RPE: variants seen among roughly 807,000 people sequenced by gnomAD.
RPE encodes ribulose-5-phosphate-3-epimerase.
A neutral mutation model predicts 24.6 loss-of-function variants in RPE; 16 were observed. The ratio of observed to expected loss-of-function variants is 0.65; its 90% CI spans 0.44 to 0.99. The LOEUF (loss-of-function observed/expected upper bound fraction) is 0.99. Among genes scored for constraint, RPE ranks in the 50% least tolerant of loss-of-function variants. RPE has a pLI of 0.00. For missense variants in RPE, 240 were observed against 294.5 expected (o/e 0.81, Z 1.35); for synonymous variants, 93 against 98.4 (o/e 0.94, Z 0.33).
intron 2 of RPE, among the ~76,000 whole-genome samples, chr2:210,012,670 G>C (rs1435811446): frequency 1.3e-5 from 2 of 152,102 alleles, no homozygotes; most frequent in Non-Finnish European, 2.9e-5. Context: ...TTTCAGACCT[G>C]GCTATTTTAA....
intron 2 of RPE, among the ~76,000 whole-genome samples, chr2:210,012,191 A>G (rs1381742489): frequency 3.9e-5 from 6 of 152,220 alleles, no homozygotes; most frequent in Non-Finnish European, 8.8e-5. Context: ...TATTGTCTAA[A>G]TCAGTGATCC....
chr2:210,002,962 G>A (rs528654330), intron 1 of RPE, among the ~76,000 whole-genome samples, 179 bp downstream of exon 1: 1 of 152,120 alleles, frequency 6.6e-6, no homozygotes, highest in Admixed American at 6.5e-5. Flanking sequence ...GAACCGACGC[G>A]GTATCCTGGG....
chr2:210,020,548 A>G lies in RPE; in HGVS notation c.*757A>G, dbSNP rs367574252. The G allele has an allele frequency of 3.6e-5, 6 of 167,018 alleles. No homozygotes were observed. Among genetic ancestry groups the G allele is most frequent in the African/African-American group, 7.2e-5 (3 of 41,564 alleles). 10.3% of individuals were successfully genotyped at this position (167,018 alleles called of 1,614,324 possible). On this transcript the variant is annotated 3_prime_UTR_variant, in exon 6 of 6. Transcript: ENST00000359429. Reference sequence around the variant, plus strand: ...AGCTGGACCTTTAACAAATCACCCAATCTTTTTTGTGTTTCTCTAAAGTCA... The same window carrying G: ...AGCTGGACCTTTAACAAATCACCCAGTCTTTTTTGTGTTTCTCTAAAGTCA...
Position 210,016,005 on chromosome 2 carries a change from T to G in RPE, c.235T>G (p.Trp79Gly). ...MHMMVSKPEQ[W>G]VKPMAVAGAN... ...CATGATGGTGTCCAAGCCAGAACAG[T>G]GGGTAAAGCCAATGGCTGTAGCAGG... is the stretch of plus-strand genomic sequence containing the variant. Residue 79 changes from tryptophan to glycine, a missense_variant, in exon 3 of 6, where the codon TGG (tryptophan) becomes GGG (glycine). Trp to Gly is a radical substitution (Grantham distance 184). Coordinates refer to ENST00000359429, the MANE Select transcript of RPE (RefSeq NM_199229.3). The G allele has an allele frequency of 6.2e-7, 1 of 1,614,168 alleles. No homozygotes were observed. The highest frequency in any genetic ancestry group is 8.5e-7 in the Non-Finnish European group (1 of 1,180,036).
At chr2:210,004,699 A>G (rs1423521132) in intron 1 of RPE, among the ~76,000 whole-genome samples, 1 of 126,030 alleles carries the variant, frequency 7.9e-6, no homozygotes, top group East Asian at 2.6e-4. Context: ...CTTTTTGCTC[A>G]CCTATATATT....
At chr2:210,006,915 GTCCCTCTCA>G (rs1020516244) in intron 1 of RPE, among the ~76,000 whole-genome samples, 12 of 152,198 alleles carry the variant, frequency 7.9e-5, no homozygotes, top group Non-Finnish European at 1.8e-4. Flanking sequence ...CACCTTATGT[GTCCCTCTCA>G]GATGTGTCCT....
intron 1 of RPE, among the ~76,000 whole-genome samples, chr2:210,006,192 ATAAT>A (rs747265273): frequency 6.6e-6 from 1 of 152,244 alleles, no homozygotes; most frequent in Non-Finnish European, 1.5e-5. Context: ...GTTAAGTGAA[ATAAT>A]TAAGTGTTTT....
chr2:210,005,462 T>C (rs1401383819), intron 1 of RPE, among the ~76,000 whole-genome samples: 1 of 152,026 alleles, frequency 6.6e-6, no homozygotes, highest in Non-Finnish European at 1.5e-5. Context: ...AAGTGGATTC[T>C]CTGGGGGAAA....
chr2:210,004,486 G>A (rs1285341942), intron 1 of RPE, among the ~76,000 whole-genome samples: 3 of 152,206 alleles, frequency 2.0e-5, no homozygotes, highest in Non-Finnish European at 4.4e-5. Flanking sequence ...AGGGTTGGAA[G>A]CAATGCAACA....
At position 210,020,484 on chromosome 2, in the gene RPE, T is replaced by A. The variant is rs775587368; in HGVS notation, c.*693T>A. The A allele has an allele frequency of 1.8e-5, 3 of 166,932 alleles. No individual in the cohort carries two copies. Among genetic ancestry groups the A allele is most frequent in the Non-Finnish European group, 4.4e-5 (3 of 68,088 alleles). 10.3% of individuals were successfully genotyped at this position (166,932 alleles called of 1,614,324 possible). On this transcript the variant is annotated 3_prime_UTR_variant, in exon 6 of 6. Transcript: ENST00000359429. ...GAAAGGAAAAAGTAAAACCTCTGTT[T>A]GGAGGTAATATTGGGTTGAATTCTG...
rs2093612621 is a variant in RPE, at chr2:210,005,115, A to G, written c.122+2332A>G. Among the ~76,000 whole-genome samples, 3 of 152,226 alleles carry G rather than the reference A, an allele frequency of 2.0e-5. 1 individual carries two copies. Among genetic ancestry groups the G allele is most frequent in the Non-Finnish European group, 4.4e-5 (3 of 68,040 alleles). On this transcript the variant is annotated intron_variant, in intron 1 of 5. Coordinates refer to ENST00000359429, the MANE Select transcript of RPE (RefSeq NM_199229.3). ...CTCACCAGATTCAGCAGAGCCTGGC[A>G]GAGTTGGTGCCAGTGCCCCTACGTG... is the stretch of plus-strand genomic sequence containing the variant.
At chr2:210,017,751 T>TTTTTTC in intron 5 of RPE, 192 bp downstream of exon 5, 3 of 625,146 alleles carry the variant, frequency 4.8e-6, no homozygotes, top group Non-Finnish European at 8.3e-6. Context: ...TTTTTTTTTT[T>TTTTTTC]TTTTTCTTTT....
chr2:210,015,489 T>A (rs1414072553), intron 2 of RPE, among the ~76,000 whole-genome samples: 3 of 152,172 alleles, frequency 2.0e-5, no homozygotes, highest in Non-Finnish European at 4.4e-5. Flanking sequence ...ATTGTTTGAC[T>A]CTCGCATTAA....
rs143294706 is a variant in RPE, at chr2:210,009,729, T to A, written c.195T>A (p.Pro65=). 4.4e-5 allele frequency: 71 copies of A among 1,614,014 alleles called. No individual in the cohort carries two copies. The African/African-American group carries it at 8.4e-4, about 19-fold the overall frequency. ...TTCGAAAGCAGCTAGGCCAGGACCC[T>A]TTCTTTGGTAAGTGGGTGTTACGCC... ...ESLRKQLGQD[P]FFDMHMMVSK... Residue 65 remains proline (P), a synonymous_variant, in exon 2 of 6, where the codon CCT becomes CCA. Transcript: ENST00000359429.
rs953786518 is a variant in RPE at position 210,022,014 on chromosome 2, T to C, written c.*2223T>C. On this transcript the variant is annotated 3_prime_UTR_variant, in exon 6 of 6. Coordinates refer to ENST00000359429, the MANE Select transcript of RPE (RefSeq NM_199229.3). ...AGAAATACAATCATCTTTTTTTTTT[T>C]TTTCAAATTTTATACTGATAGGGCT... 1 of 151,752 alleles carries C rather than the reference T, an allele frequency of 6.6e-6. No individual in the cohort carries two copies. Among genetic ancestry groups the C allele is most frequent in the Non-Finnish European group, 1.5e-5 (1 of 67,890 alleles). 9.4% of individuals were successfully genotyped at this position (151,752 alleles called of 1,614,324 possible). A position where few individuals can be genotyped will look rare whatever the true frequency, so the allele number is the denominator to read the frequency against.
At chr2:210,010,917 C>G (rs201517012) in intron 2 of RPE, among the ~76,000 whole-genome samples, 1 of 144,546 alleles carries the variant, frequency 6.9e-6, no homozygotes, top group African/African-American at 2.5e-5. Context: ...CACTCCATGT[C>G]AAAAAAAAAA....
chr2:210,007,310 A>C lies in RPE; in HGVS notation c.123-2347A>C, dbSNP rs727700. 1.3e-3 allele frequency among the ~76,000 whole-genome samples: 197 copies of C among 152,310 alleles called. 1 individual carries two copies. Among genetic ancestry groups the C allele is most frequent in the Non-Finnish European group, 2.4e-3 (161 of 68,018 alleles). On this transcript the variant is annotated intron_variant, in intron 1 of 5. Transcript: ENST00000359429. The stretch of plus-strand genomic sequence containing the variant: ...TAGTTTGTATTTTAACTCCCCTCCC[A>C]CACACCTAATCATTTAACAGATCCA...
intron 2 of RPE, among the ~76,000 whole-genome samples, chr2:210,010,433 CT>C (rs1365950200): frequency 6.6e-6 from 1 of 151,688 alleles, no homozygotes; most frequent in Non-Finnish European, 1.5e-5. Context: ...TTATTTTTTT[CT>C]TTTTTTTAAA....
At chr2:210,011,144 GGC>G (rs1208288104) in intron 2 of RPE, among the ~76,000 whole-genome samples, 3 of 151,926 alleles carry the variant, frequency 2.0e-5, no homozygotes, top group African/African-American at 4.8e-5. Context: ...TCATTTATGT[GGC>G]ATGAGGAAAC....
Sources: gnomAD v4.1 joint callset for allele counts (sites outside exome capture counted in the v4.1 genomes callset) on GRCh38, gnomAD v4.1.1 for gene constraint, MANE v1.5 for transcripts, NCBI Gene and HGNC (gene_info 2026-07-23, HGNC 2026-07-21) for gene names.